SALL1: variants seen among roughly 807,000 people sequenced by gnomAD.
The protein encoded by SALL1 is sal-like protein 1.
Under a neutral mutation model 73.1 loss-of-function variants are expected in SALL1, and 10 were observed. The ratio of observed to expected loss-of-function variants is 0.14; its 90% confidence interval spans 0.08 to 0.23. The LOEUF (loss-of-function observed/expected upper bound fraction) is 0.23, where lower values mean the gene tolerates loss of function less well. Ranked by LOEUF, SALL1 falls within the 10% of genes least tolerant of loss-of-function variation. The pLI is 1.00. For missense variants in SALL1, 1,520 were observed against 1,697.3 expected (o/e 0.90, Z 1.84); for synonymous variants, 688 against 689.8 (o/e 1.00, Z 0.04).
chr16:51,151,346 G>T, upstream of SALL1: 2 of 629,120 alleles, frequency 3.2e-6, no homozygotes, highest in Non-Finnish European at 4.4e-6. Flanking sequence ...CCCCCCGCCC[G>T]CCGGCCCGCC....
In SALL1 at chr16:51,139,727, C is replaced by A. The variant is rs1322545254; in HGVS notation, c.2495G>T (p.Cys832Phe). Residue 832 changes from cysteine to phenylalanine, a missense_variant, in exon 2 of 3, where the codon TGT becomes TTT. Physicochemically the swap from Cys to Phe is radical, Grantham distance 205 (BLOSUM62 -2). This residue lies in a region of SALL1 where 266 missense variants were observed against 275.1 expected (regional missense o/e 0.97). Transcript: ENST00000251020. ...DNFSDENMED[C>F]PEGSIPDTPK... ...TGTATCAGGGATGCTGCCCTCAGGA[C>A]AGTCTTCCATGTTTTCATCAGAGAA... The A allele has an allele frequency of 6.2e-7, 1 of 1,614,220 alleles. No individual in the cohort carries two copies. The highest frequency in any genetic ancestry group is 1.3e-5 in the African/African-American group (1 of 75,054).
chr16:51,137,359 T>C lies in SALL1; in HGVS notation c.3728A>G (p.Asn1243Ser), dbSNP rs535981732. The C allele has an allele frequency of 2.5e-5, 40 of 1,613,924 alleles. No homozygotes were observed. Among genetic ancestry groups the C allele is most frequent in the Admixed American group, 1.8e-4 (11 of 60,004 alleles). The stretch of plus-strand genomic sequence containing the variant: ...CTCGTTGGCCTTCATCGCCAGCCCG[T>C]TGGAGAGCGCTGCTGCATACTGATT... ...FWNQYAAALSNGLAMKANEIS... is the reference protein window; with the variant it reads ...FWNQYAAALSSGLAMKANEIS... The change falls in exon 3 of 3, where the codon AAC becomes AGC. Residue 1243 changes from asparagine to serine, a missense_variant. Asn to Ser is a conservative substitution (Grantham distance 46, BLOSUM62 1). This residue lies in a region of SALL1 where 318 missense variants were observed against 357.1 expected (regional missense o/e 0.89). Coordinates refer to ENST00000251020, the MANE Select transcript of SALL1 (RefSeq NM_002968.3).
rs752678352 is a variant in SALL1, at chr16:51,139,659, G to A, written c.2563C>T (p.Pro855Ser). 20 of 1,614,130 alleles carry A rather than the reference G, an allele frequency of 1.2e-5. No homozygotes were observed. Among genetic ancestry groups the A allele is most frequent in the East Asian group, 2.2e-5 (1 of 44,874 alleles). ...ATGCTCGACATCTCGAGGGGCAAAGGCGAAGAGGATAAGCTGTCTTGGGAG... is the reference window on the plus strand; with the variant it reads ...ATGCTCGACATCTCGAGGGGCAAAGACGAAGAGGATAAGCTGTCTTGGGAG... ...DASQDSLSSS[P>S]LPLEMSSIAA... Residue 855 changes from proline (P) to serine (S), a missense_variant, in exon 2 of 3, where the codon CCT becomes TCT. Pro to Ser is a moderately conservative substitution (Grantham distance 74). Transcript: ENST00000251020.
At position 51,139,298 on chromosome 16, in the gene SALL1, C is replaced by T. The variant is rs149250114; in HGVS notation, c.2924G>A (p.Ser975Asn). ...TTCTTTGATGATTTTCTCTGCGTGA[C>T]TAGATGTCAAATCCAAAGCCCCACC... ...VNGGALDLTS[S>N]HAEKIIKEDS... Residue 975 changes from serine to asparagine, a missense_variant, in exon 2 of 3, where the codon AGT becomes AAT. This residue lies in a region of SALL1 where 266 missense variants were observed against 275.1 expected (regional missense o/e 0.97). Coordinates refer to ENST00000251020, the MANE Select transcript of SALL1 (RefSeq NM_002968.3). 35 of 1,614,026 alleles carry T rather than the reference C, an allele frequency of 2.2e-5. No individual in the cohort carries two copies. In the African/African-American group the frequency reaches 3.3e-4, roughly 15 times the overall value.
intron 1 of SALL1, among the ~76,000 whole-genome samples, chr16:51,146,048 G>A (rs1050336053): frequency 2.8e-5 from 4 of 143,520 alleles, no homozygotes; most frequent in Non-Finnish European, 6.0e-5. Context: ...AATCCAAATG[G>A]AAAAGTCTGA....
chr16:51,139,054 C>T lies in SALL1; in HGVS notation c.3168G>A (p.Leu1056=), dbSNP rs2143438010. 6.2e-7 allele frequency: 1 copy of T among 1,614,176 alleles called. No individual in the cohort carries two copies. The highest frequency in any genetic ancestry group is 8.5e-7 in the Non-Finnish European group (1 of 1,180,024). Residue 1056 remains leucine, a synonymous_variant, in exon 2 of 3, where the codon CTG becomes CTA. Coordinates refer to ENST00000251020, the MANE Select transcript of SALL1 (RefSeq NM_002968.3). Reference sequence around the variant, plus strand: ...AACTGGGCTCAAAGAGCTGGGATGGCAGATCTCGCATCTGATGTGTCAACA... The same window carrying T: ...AACTGGGCTCAAAGAGCTGGGATGGTAGATCTCGCATCTGATGTGTCAACA... ...QHMLTHQMRD[L]PSQLFEPSSN...
Position 51,140,671 on chromosome 16 carries a change from C to T in SALL1, c.1551G>A (p.Leu517=). ...QMNPYPVPEH[L]DNIPTSTGIP... ...TGCCAGTACTCGTGGGGATATTGTC[C>T]AAATGCTCAGGCACAGGATAGGGGT... The change falls in exon 2 of 3, where the codon TTG becomes TTA. Residue 517 remains leucine, a synonymous_variant. Transcript: ENST00000251020. The surrounding 1 kb of genome is among the most constrained non-coding windows in gnomAD (Gnocchi z 5.7). 2 of 1,614,134 alleles carry T rather than the reference C, an allele frequency of 1.2e-6. No individual in the cohort carries two copies. Among genetic ancestry groups the T allele is most frequent in the Non-Finnish European group, 1.7e-6 (2 of 1,180,020 alleles).
chr16:51,145,475 T>G (rs1962503376), intron 1 of SALL1, among the ~76,000 whole-genome samples: 2 of 152,160 alleles, frequency 1.3e-5, no homozygotes. Context: ...GCAGTGGTTT[T>G]CTAAGTATGT....
intron 1 of SALL1, chr16:51,149,220 A>G (rs1175905132): frequency 6.6e-6 from 1 of 152,616 alleles, no homozygotes; most frequent in African/African-American, 2.4e-5. Context: ...GGCAAAAGGC[A>G]AAGATCTTCC....
intron 1 of SALL1, 31 bp downstream of exon 1, chr16:51,151,135 G>A (rs1272380128): frequency 3.9e-6 from 6 of 1,550,402 alleles, no homozygotes; most frequent in Non-Finnish European, 5.2e-6. Flanking sequence ...GTGCGTGTGT[G>A]TGTGTCCACG....
chr16:51,138,914 G>T lies in SALL1; in HGVS notation c.3308C>A (p.Thr1103Asn). The T allele has an allele frequency of 4.3e-6, 7 of 1,614,176 alleles. No homozygotes were observed. The highest frequency in any genetic ancestry group is 5.1e-6 in the Non-Finnish European group (6 of 1,180,038). ...VHVSPQDSKD[T>N]PTSHVPSGPL... ...CCCAGACGGGACGTGACTGGTGGGGGTGTCCTTACTGTCCTGAGGAGAAAC... is the reference window on the plus strand; with the variant it reads ...CCCAGACGGGACGTGACTGGTGGGGTTGTCCTTACTGTCCTGAGGAGAAAC... Residue 1103 changes from threonine (T) to asparagine (N), a missense_variant, in exon 2 of 3, where the codon ACC becomes AAC. Thr to Asn is a moderately conservative substitution (Grantham distance 65, BLOSUM62 0). This residue lies in a region of SALL1 where 318 missense variants were observed against 357.1 expected (regional missense o/e 0.89). Transcript: ENST00000251020.
At position 51,140,965 on chromosome 16, in the gene SALL1, C is replaced by T; in HGVS notation, c.1257G>A (p.Leu419=). ...TTTTTCTTTGCTGGGCCAAGGCAGA[C>T]AAGGAGTTTAAATCCTCTGCAGTTG... ...IGTTAEDLNS[L]SALAQQRKSK... is the part of the protein sequence containing the mutation. The change falls in exon 2 of 3, where the codon TTG becomes TTA. Residue 419 remains leucine, a synonymous_variant. Transcript: ENST00000251020. The surrounding 1 kb of genome is among the most constrained non-coding windows in gnomAD (Gnocchi z 5.7). 6.2e-7 allele frequency: 1 copy of T among 1,614,224 alleles called. No individual in the cohort carries two copies. The highest frequency in any genetic ancestry group is 1.1e-5 in the South Asian group (1 of 91,082).
Position 51,138,082 on chromosome 16 carries a change from C to T in SALL1, c.3535-530G>A, listed in dbSNP as rs573546936. 2.6e-5 allele frequency among the ~76,000 whole-genome samples: 4 copies of T among 152,334 alleles called. No individual in the cohort carries two copies. In the South Asian group the frequency reaches 6.2e-4, roughly 24 times the overall value. ...TGGGAGCAATCTCCAGAGAAATACT[C>T]TGTCAACAGAAAAATGTACACACTA... is the stretch of plus-strand genomic sequence containing the variant. On this transcript the variant is annotated intron_variant, in intron 2 of 2. Transcript: ENST00000251020.
In SALL1 at chr16:51,140,208, C is replaced by T; in HGVS notation, c.2014G>A (p.Ala672Thr). 2 of 1,614,146 alleles carry T rather than the reference C, an allele frequency of 1.2e-6. No homozygotes were observed. The highest frequency in any genetic ancestry group is 1.7e-6 in the Non-Finnish European group (2 of 1,180,036). ...LLPLMSEQFK[A>T]KFPFGGLLDS... ...AGGAGTCCCCCAAAAGGAAACTTGG[C>T]CTTGAACTGCTCGGACATGAGCGGC... The change falls in exon 2 of 3, where the codon GCC becomes ACC. Residue 672 changes from alanine (A) to threonine (T), a missense_variant. Coordinates refer to ENST00000251020, the MANE Select transcript of SALL1 (RefSeq NM_002968.3). This position sits in a 1 kb window ranked among gnomAD's most constrained non-coding sequence, Gnocchi z 5.7.
intron 1 of SALL1, among the ~76,000 whole-genome samples, chr16:51,146,297 C>A (rs902605635): frequency 5.9e-5 from 9 of 152,134 alleles, no homozygotes; most frequent in African/African-American, 2.2e-4. Flanking sequence ...GTGATCCAAG[C>A]CCACCTAATG....
rs766538484 is a variant in SALL1 at position 51,137,201 on chromosome 16, C to A, written c.3886G>T (p.Gly1296Cys). ...TCACTGCTTGCCATTTTCTCCAGGC[C>A]GGCCAGGGGAGCATTGGGCTCTGAG... ...QNSEPNAPLA[G>C]LEKMASSENG... The change falls in exon 3 of 3, where the codon GGC becomes TGC. Residue 1296 changes from glycine (G) to cysteine (C), a missense_variant. By Grantham distance (159) the Gly-to-Cys change is radical. Coordinates refer to ENST00000251020, the MANE Select transcript of SALL1 (RefSeq NM_002968.3). 1 of 1,614,012 alleles carries A rather than the reference C, an allele frequency of 6.2e-7. No individual in the cohort carries two copies. Among genetic ancestry groups the A allele is most frequent in the Admixed American group, 1.7e-5 (1 of 60,000 alleles).
rs369091373 is a variant in SALL1, at chr16:51,137,144, C to T, written c.3943G>A (p.Val1315Met). Residue 1315 changes from valine to methionine, a missense_variant, in exon 3 of 3, where the codon GTG (valine) becomes ATG (methionine). By Grantham distance (21) the Val-to-Met change is conservative (BLOSUM62 1). This residue lies in a region of SALL1 where 318 missense variants were observed against 357.1 expected (regional missense o/e 0.89). Transcript: ENST00000251020. The stretch of plus-strand genomic sequence containing the variant: ...GTGACGATCTCCTTGCTGTCCTCCA[C>T]GAAGCGGGTGAAGCGGAAGTTGGTT... Reference protein sequence around the residue: ...NGTNFRFTRFVEDSKEIVTS With the variant: ...NGTNFRFTRFMEDSKEIVTS 1.2e-5 allele frequency: 20 copies of T among 1,614,028 alleles called. No homozygotes were observed. The highest frequency in any genetic ancestry group is 5.3e-5 in the African/African-American group (4 of 74,916).
rs780929073 is a variant in SALL1 at position 51,139,414 on chromosome 16, C to T, written c.2808G>A (p.Gln936=). 4.3e-6 allele frequency: 7 copies of T among 1,614,142 alleles called. No homozygotes were observed. The highest frequency in any genetic ancestry group is 2.5e-6 in the Non-Finnish European group (3 of 1,180,032). Reference sequence around the variant, plus strand: ...CAATGCTGGGTGACTTGTGGAACTCCTGCGTGCTGTTGGACGGGGACAGAG... The same window carrying T: ...CAATGCTGGGTGACTTGTGGAACTCTTGCGTGCTGTTGGACGGGGACAGAG... ...MQALSPSNST[Q]EFHKSPSIEE... is the part of the protein sequence containing the mutation. Residue 936 remains glutamine (Q), a synonymous_variant, in exon 2 of 3, where the codon CAG becomes CAA. Coordinates refer to ENST00000251020, the MANE Select transcript of SALL1 (RefSeq NM_002968.3).
Position 51,136,949 on chromosome 16 carries a change from C to G in SALL1, c.*163G>C. The G allele has an allele frequency of 1.5e-6, 1 of 648,144 alleles. No homozygotes were observed. The highest frequency in any genetic ancestry group is 2.7e-6 in the Non-Finnish European group (1 of 375,524). 40.1% of individuals were successfully genotyped at this position (648,144 alleles called of 1,614,324 possible). A position where few individuals can be genotyped will look rare whatever the true frequency, so the allele number is the denominator to read the frequency against. On this transcript the variant is annotated 3_prime_UTR_variant, in exon 3 of 3. Coordinates refer to ENST00000251020, the MANE Select transcript of SALL1 (RefSeq NM_002968.3). ...CTAATAAATAAGCTTTCTTAGAACT[C>G]TAAAGTTGAACAAGGTACAAAAGAA...
Sources: gnomAD v4.1 joint callset for allele counts (sites outside exome capture counted in the v4.1 genomes callset) on GRCh38, gnomAD v4.1.1 for gene constraint, gnomAD v4.1.1 regional missense constraint, Gnocchi (gnomAD v3.1) non-coding constraint, MANE v1.5 for transcripts, NCBI Gene and HGNC (gene_info 2026-07-23, HGNC 2026-07-21) for gene names.